Variants in ALKBH5 observed in about 807,000 individuals in gnomAD.
ALKBH5 encodes the protein alkB homolog 5, RNA demethylase.
Under a neutral mutation model 32.1 loss-of-function variants are expected in ALKBH5, and 2 were observed. The ratio of observed to expected loss-of-function variants is 0.06; its 90% CI spans 0.03 to 0.20. The LOEUF is 0.20. ALKBH5 is among the 10% of genes least tolerant of loss of function. The pLI is 1.00. For synonymous variants in ALKBH5, 300 were observed against 231.7 expected, an observed-to-expected ratio of 1.29 and a Z score of -2.68; for missense variants, 352 against 559.5, an observed-to-expected ratio of 0.63 and a Z score of 3.74.
At chr17:18,185,388 C>T (rs1054233769) in intron 1 of ALKBH5, among the ~76,000 whole-genome samples, 1 of 121,856 alleles carries the variant, frequency 8.2e-6, no homozygotes, top group Non-Finnish European at 1.9e-5. Flanking sequence ...CAAATCTATG[C>T]TTTAAAATTT....
At chr17:18,199,513 A>G (rs2047224036) in intron 2 of ALKBH5, among the ~76,000 whole-genome samples, 1 of 152,176 alleles carries the variant, frequency 6.6e-6, no homozygotes, top group East Asian at 1.9e-4. Context: ...CCAAGCATCC[A>G]CATATTAACC....
intron 1 of ALKBH5, among the ~76,000 whole-genome samples, chr17:18,185,372 C>T (rs2047132092): frequency 6.6e-6 from 1 of 150,650 alleles, no homozygotes; most frequent in Non-Finnish European, 1.5e-5. Context: ...TCTGGCCTTC[C>T]ATTTACAAAT....
chr17:18,199,204 A>AC (rs2047221751), intron 2 of ALKBH5, among the ~76,000 whole-genome samples: 1 of 152,082 alleles, frequency 6.6e-6, no homozygotes, highest in Non-Finnish European at 1.5e-5. Flanking sequence ...GTGCCTCAGC[A>AC]CCCCCAAACT....
chr17:18,193,972 G>A (rs922649800), intron 1 of ALKBH5, among the ~76,000 whole-genome samples: 8 of 152,160 alleles, frequency 5.3e-5, no homozygotes, highest in Non-Finnish European at 1.2e-4. Context: ...GTGATAGCAT[G>A]TGAGGGGTAT....
intron 1 of ALKBH5, among the ~76,000 whole-genome samples, chr17:18,192,854 C>CTTTTTTTTT (rs201150139): frequency 1.6e-4 from 19 of 115,588 alleles, no homozygotes; most frequent in African/African-American, 2.6e-4. Context: ...CTGTCTTTTT[C>CTTTTTTTTT]TTTTTTTTTT....
intron 1 of ALKBH5, among the ~76,000 whole-genome samples, chr17:18,186,580 A>G (rs1367913234): frequency 2.6e-5 from 4 of 151,844 alleles, no homozygotes; most frequent in Non-Finnish European, 5.9e-5. Flanking sequence ...TGGGACTACT[A>G]CTCTCCTTAA....
chr17:18,198,580 T>C (rs1205082182), intron 2 of ALKBH5, among the ~76,000 whole-genome samples: 2 of 152,140 alleles, frequency 1.3e-5, no homozygotes, highest in African/African-American at 4.8e-5. Flanking sequence ...CTGGCCCTGA[T>C]TATGGTAGAG....
At chr17:18,193,450 G>A (rs762468042) in intron 1 of ALKBH5, among the ~76,000 whole-genome samples, 3 of 151,994 alleles carry the variant, frequency 2.0e-5, no homozygotes, top group Non-Finnish European at 2.9e-5. Context: ...GGGAGGCTGA[G>A]GCAGGAGAAT....
chr17:18,203,925 C>T (rs1481651520), intron 2 of ALKBH5, among the ~76,000 whole-genome samples: 1 of 152,230 alleles, frequency 6.6e-6, no homozygotes, highest in Admixed American at 6.5e-5. Context: ...GAAACAACTC[C>T]AGAGTGCCCC....
At chr17:18,191,852 G>A (rs1567674589) in intron 1 of ALKBH5, among the ~76,000 whole-genome samples, 1 of 151,748 alleles carries the variant, frequency 6.6e-6, no homozygotes, top group Non-Finnish European at 1.5e-5. Flanking sequence ...GGGGGTCTGA[G>A]GCAGGAGAAT....
Position 18,208,276 on chromosome 17 carries a change from A to G in ALKBH5, c.1065A>G (p.Thr355=), listed in dbSNP as rs781242580. Residue 355 remains threonine (T), a synonymous_variant, in exon 4 of 4, where the codon ACA becomes ACG. Coordinates refer to ENST00000399138, the MANE Select transcript of ALKBH5 (RefSeq NM_017758.4). ...EENRRSVLLP[T]HRRRGSFSSE... is the part of the protein sequence containing the mutation. ...ACCGGCGCTCGGTGCTGCTGCCCACACACCGGCGGAGGGGTAGCTTCAGCT... is the reference window on the plus strand; with the variant it reads ...ACCGGCGCTCGGTGCTGCTGCCCACGCACCGGCGGAGGGGTAGCTTCAGCT... 3.1e-6 allele frequency: 5 copies of G among 1,614,112 alleles called. No homozygotes were observed. The highest frequency in any genetic ancestry group is 1.7e-5 in the Admixed American group (1 of 60,018).
intron 2 of ALKBH5, among the ~76,000 whole-genome samples, chr17:18,198,029 T>A (rs1190995285): frequency 6.6e-6 from 1 of 152,166 alleles, no homozygotes; most frequent in Non-Finnish European, 1.5e-5. Flanking sequence ...TACCTTCTCA[T>A]CTAACATGTT....
rs760226514 is a variant in ALKBH5, at chr17:18,184,619, C to A, written c.376C>A (p.Arg126=). ...KGLYNEHTVD[R]APLRNKYFFG... ...CCTGTACAACGAGCACACGGTGGAC[C>A]GGGCCCCACTGCGCAACAAGTACTT... The change falls in exon 1 of 4, where the codon CGG becomes AGG. Residue 126 remains arginine (R), a synonymous_variant. Transcript: ENST00000399138. The A allele has an allele frequency of 6.2e-7, 1 of 1,613,136 alleles. No homozygotes were observed. Among genetic ancestry groups the A allele is most frequent in the Non-Finnish European group, 8.5e-7 (1 of 1,180,022 alleles).
At chr17:18,196,703 C>T (rs1028602972) in intron 2 of ALKBH5, among the ~76,000 whole-genome samples, 2 of 152,158 alleles carry the variant, frequency 1.3e-5, no homozygotes, top group African/African-American at 4.8e-5. Context: ...TCAGGTTTTC[C>T]ACTGTAAAAT....
In ALKBH5 at chr17:18,209,331, C is replaced by T. The variant is rs1034121552; in HGVS notation, c.*935C>T. On this transcript the variant is annotated 3_prime_UTR_variant, in exon 4 of 4. Coordinates refer to ENST00000399138, the MANE Select transcript of ALKBH5 (RefSeq NM_017758.4). Reference sequence around the variant, plus strand: ...GAGTTTTTTTTCCCCCTTTAGTCTCCTGGCTTTTTCCTTTCCCTTCCCTTC... The same window carrying T: ...GAGTTTTTTTTCCCCCTTTAGTCTCTTGGCTTTTTCCTTTCCCTTCCCTTC... 6.6e-6 allele frequency: 1 copy of T among 152,480 alleles called. No homozygotes were observed. The highest frequency in any genetic ancestry group is 2.4e-5 in the African/African-American group (1 of 41,344). 9.4% of individuals were successfully genotyped at this position (152,480 alleles called of 1,614,324 possible). A position where few individuals can be genotyped will look rare whatever the true frequency, so the allele number is the denominator to read the frequency against.
At chr17:18,197,858 G>GT (rs2047213140) in intron 2 of ALKBH5, among the ~76,000 whole-genome samples, 1 of 152,192 alleles carries the variant, frequency 6.6e-6, no homozygotes, top group African/African-American at 2.4e-5. Context: ...CAGAGCTGTG[G>GT]TGTAAGGGGA....
Position 18,208,991 on chromosome 17 carries a change from GC to G in ALKBH5, c.*599del, listed in dbSNP as rs2047288159. On this transcript the variant is annotated 3_prime_UTR_variant, in exon 4 of 4. Transcript: ENST00000399138. ...CTGGGCAGGGGCTTAAACAGTGCCAGCCCCTGCCATCCCAAAGCTATTGTTA... is the reference window on the plus strand; with the variant it reads ...CTGGGCAGGGGCTTAAACAGTGCCAGCCCTGCCATCCCAAAGCTATTGTTA... 5.8e-6 allele frequency: 1 copy of G among 173,556 alleles called. No homozygotes were observed. The highest frequency in any genetic ancestry group is 2.4e-5 in the African/African-American group (1 of 41,522). The allele number at this position is 173,556 out of a possible 1,614,324, so 10.8% of individuals were successfully genotyped here. A position where few individuals can be genotyped will look rare whatever the true frequency, so the allele number is the denominator to read the frequency against.
chr17:18,207,018 A>C (rs574412890), intron 3 of ALKBH5, 48 bp downstream of exon 3: 1 of 1,595,180 alleles, frequency 6.3e-7, no homozygotes, highest in African/African-American at 1.3e-5. Flanking sequence ...GCCTGGCTGC[A>C]GGGTGAGAAG....
chr17:18,203,656 C>T (rs900691982), intron 2 of ALKBH5, among the ~76,000 whole-genome samples: 1 of 152,260 alleles, frequency 6.6e-6, no homozygotes, highest in African/African-American at 2.4e-5. Context: ...TCTGCTAAAC[C>T]CTGAGGACCT....
Sources: gnomAD v4.1 joint callset for allele counts (sites outside exome capture counted in the v4.1 genomes callset) on GRCh38, gnomAD v4.1.1 for gene constraint, MANE v1.5 for transcripts, NCBI Gene and HGNC (gene_info 2026-07-23, HGNC 2026-07-21) for gene names.